The following HGS variants were observed in gnomAD, a reference collection of about 807,000 sequenced individuals.
HGS encodes the protein hepatocyte growth factor-regulated tyrosine kinase substrate, also known as human growth factor-regulated tyrosine kinase substrate.
HGS carries 63 observed loss-of-function variants against 109.7 expected under a neutral mutation model. That is an observed-to-expected ratio of 0.57 (90% CI 0.47 to 0.71). HGS has a LOEUF of 0.71. Ranked by LOEUF, HGS falls within the 30% of genes least tolerant of loss-of-function variation. HGS has a pLI of 0.00. For synonymous variants in HGS, 546 were observed against 437.3 expected, an observed-to-expected ratio of 1.25 and a Z score of -3.10; for missense variants, 995 against 1,068.3, an observed-to-expected ratio of 0.93 and a Z score of 0.96.
chr17:81,686,768 G>A (rs777095691), intron 3 of HGS, among the ~76,000 whole-genome samples: 10 of 152,002 alleles, frequency 6.6e-5, no homozygotes, highest in Non-Finnish European at 5.9e-5. Context: ...CTGTCCCACC[G>A]GGTTCCCCAC....
At position 81,700,470 on chromosome 17, in the gene HGS, C is replaced by T. The variant is rs965563704; in HGVS notation, c.1886C>T (p.Pro629Leu). Residue 629 changes from proline to leucine, a missense_variant, in exon 19 of 22, where the codon CCC (proline) becomes CTC (leucine). Transcript: ENST00000329138. Reference sequence around the variant, plus strand: ...TCCCCTGTCTTGTTTGTCACAGATCCCAGCATGGTGAGTGCCTACATGTAC... The same window carrying T: ...TCCCCTGTCTTGTTTGTCACAGATCTCAGCATGGTGAGTGCCTACATGTAC... ...YPSMPSTAAD[P>L]SMVSAYMYPA... 5 of 1,563,976 alleles carry T rather than the reference C, an allele frequency of 3.2e-6. No individual in the cohort carries two copies. The highest frequency in any genetic ancestry group is 4.3e-6 in the Non-Finnish European group (5 of 1,152,678).
chr17:81,686,087 C>T (rs1185638432), intron 2 of HGS, among the ~76,000 whole-genome samples: 2 of 152,086 alleles, frequency 1.3e-5, no homozygotes, highest in Non-Finnish European at 2.9e-5. Flanking sequence ...TTCACCATCA[C>T]GCCCGGCTGA....
rs1697259514 is a variant in HGS, at chr17:81,698,737, GTGTATGTGCGAATACATGCGTCTT to G, written c.1883-1724_1883-1701del. 3.3e-5 allele frequency among the ~76,000 whole-genome samples: 5 copies of G among 152,312 alleles called. No homozygotes were observed. The South Asian group carries it at 1.0e-3, about 32-fold the overall frequency. ...CAAGTGCACAGTTGTGGGTGCGTCT[GTGTATGTGCGAATACATGCGTCTT>G]TGTATATGATAAAAACCGTGAGTGC... is the stretch of plus-strand genomic sequence containing the variant. On this transcript the variant is annotated intron_variant, in intron 18 of 21. Transcript: ENST00000329138.
At position 81,701,619 on chromosome 17, in the gene HGS, C is replaced by T; in HGVS notation, c.*1C>T. 6.4e-7 allele frequency: 1 copy of T among 1,559,904 alleles called. No individual in the cohort carries two copies. The highest frequency in any genetic ancestry group is 8.6e-7 in the Non-Finnish European group (1 of 1,159,258). On this transcript the variant is annotated 3_prime_UTR_variant, in exon 22 of 22. Transcript: ENST00000329138. ...GGCCCAGCTCATTTCATTCGACTGA[C>T]CCAGGCCATGCTCACGTCCGGAGTA...
In HGS at chr17:81,700,490, A is replaced by G; in HGVS notation, c.1906A>G (p.Met636Val). The G allele has an allele frequency of 3.8e-6, 6 of 1,597,376 alleles. No homozygotes were observed. The highest frequency in any genetic ancestry group is 4.3e-6 in the Non-Finnish European group (5 of 1,171,602). Residue 636 changes from methionine (M) to valine (V), a missense_variant, in exon 19 of 22, where the codon ATG becomes GTG. Transcript: ENST00000329138. ...AADPSMVSAYMYPAGATGAQA... is the reference protein window; with the variant it reads ...AADPSMVSAYVYPAGATGAQA... Reference sequence around the variant, plus strand: ...AGATCCCAGCATGGTGAGTGCCTACATGTACCCAGCAGGGGCCACTGGGGC... The same window carrying G: ...AGATCCCAGCATGGTGAGTGCCTACGTGTACCCAGCAGGGGCCACTGGGGC...
At position 81,696,687 on chromosome 17, in the gene HGS, G is replaced by A; in HGVS notation, c.1647G>A (p.Gln549=). The stretch of plus-strand genomic sequence containing the variant: ...AGGAGCGGCAGATGCGGCTGGAGCA[G>A]CAGAAGCAGACGGTCCAGATGCGCG... ...QEKERQMRLE[Q]QKQTVQMRAQ... is the part of the protein sequence containing the mutation. Residue 549 remains glutamine (Q), a synonymous_variant, in exon 17 of 22, where the codon CAG becomes CAA. Coordinates refer to ENST00000329138, the MANE Select transcript of HGS (RefSeq NM_004712.5). 1 of 1,611,330 alleles carries A rather than the reference G, an allele frequency of 6.2e-7. No individual in the cohort carries two copies. The highest frequency in any genetic ancestry group is 1.1e-5 in the South Asian group (1 of 91,054).
intron 4 of HGS, among the ~76,000 whole-genome samples, chr17:81,688,067 G>A (rs1029240851): frequency 1.3e-5 from 2 of 152,222 alleles, no homozygotes; most frequent in South Asian, 2.1e-4. Flanking sequence ...GGATGCAGAG[G>A]GGTTCTGGAA....
At position 81,693,592 on chromosome 17, in the gene HGS, C is replaced by T. The variant is rs761827387; in HGVS notation, c.741+11C>T. ...TCTCAGCAGTCCCAGGTACTCAGCC[C>T]CCTCCGTCCCGTGGGCACCTCTTCC... On this transcript the variant is annotated intron_variant, in intron 9 of 21. Coordinates refer to ENST00000329138, the MANE Select transcript of HGS (RefSeq NM_004712.5). 40 of 1,578,866 alleles carry T rather than the reference C, an allele frequency of 2.5e-5. No individual in the cohort carries two copies. In the Admixed American group the frequency reaches 5.7e-4, roughly 22 times the overall value.
chr17:81,700,944 G>A lies in HGS; in HGVS notation c.2137-101G>A. Reference sequence around the variant, plus strand: ...TCTGCTCCTCCCCCTCCACTCTCTGGGTGCTCCCTGTGGTCACCTTTGGAT... The same window carrying A: ...TCTGCTCCTCCCCCTCCACTCTCTGAGTGCTCCCTGTGGTCACCTTTGGAT... On this transcript the variant is annotated intron_variant, in intron 20 of 21. Transcript: ENST00000329138. 3.3e-6 allele frequency: 5 copies of A among 1,524,096 alleles called. No homozygotes were observed. In the South Asian group the frequency reaches 3.4e-5, roughly 10 times the overall value. The allele number at this position is 1,524,096 out of a possible 1,614,324, so 94.4% of individuals were successfully genotyped here.
In HGS at chr17:81,696,347, C is replaced by G; in HGVS notation, c.1394-10C>G. 1 of 1,560,208 alleles carries G rather than the reference C, an allele frequency of 6.4e-7. No individual in the cohort carries two copies. Among genetic ancestry groups the G allele is most frequent in the African/African-American group, 1.4e-5 (1 of 73,624 alleles). On this transcript the variant is annotated splice_polypyrimidine_tract_variant and intron_variant, in intron 15 of 21. Transcript: ENST00000329138. ...GGAGTGGTCAGGGTTGCTCTGTCAT[C>G]TGCCCACAGTGTACTATGAGGGGCT...
chr17:81,695,916 C>T lies in HGS; in HGVS notation c.1310C>T (p.Ser437Leu). 1.2e-6 allele frequency: 2 copies of T among 1,605,954 alleles called. No individual in the cohort carries two copies. The highest frequency in any genetic ancestry group is 8.5e-7 in the Non-Finnish European group (1 of 1,174,994). The stretch of plus-strand genomic sequence containing the variant: ...CGGGGCCGCAGCATCACCAATGACT[C>T]GGCCGTGCTCTCACTCTTCCAGTCC... ...HMRGRSITNDSAVLSLFQSIN... is the reference protein window; with the variant it reads ...HMRGRSITNDLAVLSLFQSIN... Residue 437 changes from serine to leucine, a missense_variant, in exon 15 of 22, where the codon TCG (serine) becomes TTG (leucine). This residue lies in a region of HGS where 163 missense variants were observed against 217.8 expected (regional missense o/e 0.75). Coordinates refer to ENST00000329138, the MANE Select transcript of HGS (RefSeq NM_004712.5).
chr17:81,699,630 TAGAC>T (rs1414275974), intron 18 of HGS, among the ~76,000 whole-genome samples: 11 of 152,238 alleles, frequency 7.2e-5, no homozygotes, highest in African/African-American at 2.2e-4. Context: ...TTTACTATGT[TAGAC>T]AGCCTGGTCT....
chr17:81,688,244 C>T (rs149465483), intron 4 of HGS, among the ~76,000 whole-genome samples: 8 of 152,270 alleles, frequency 5.3e-5, no homozygotes, highest in African/African-American at 1.2e-4. Context: ...GTCTGGAGCC[C>T]GCTCTGAATT....
intron 2 of HGS, 41 bp downstream of exon 2, chr17:81,685,730 C>T (rs766887715): frequency 2.5e-5 from 39 of 1,533,408 alleles, no homozygotes; most frequent in Middle Eastern, 1.7e-4. Context: ...GAGGAGCAGC[C>T]GTGCACTAAG....
chr17:81,696,350 C>G lies in HGS; in HGVS notation c.1394-7C>G. 6.4e-7 allele frequency: 1 copy of G among 1,566,662 alleles called. No homozygotes were observed. The highest frequency in any genetic ancestry group is 8.6e-7 in the Non-Finnish European group (1 of 1,160,200). ...GTGGTCAGGGTTGCTCTGTCATCTG[C>G]CCACAGTGTACTATGAGGGGCTGCA... On this transcript the variant is annotated splice_region_variant and splice_polypyrimidine_tract_variant and intron_variant, in intron 15 of 21. Transcript: ENST00000329138.
rs1228624026 is a variant in HGS, at chr17:81,693,908, G to A, written c.879G>A (p.Glu293=). 1.9e-6 allele frequency: 3 copies of A among 1,611,546 alleles called. No individual in the cohort carries two copies. The African/African-American group carries it at 4.0e-5, about 22-fold the overall frequency. ...KSTYTSYPKA[E]PMPSASSAPP... ...CGTACACTTCGTACCCCAAGGCGGA[G>A]CCCATGCCCTCGGCCTCCTCAGCGC... The change falls in exon 11 of 22, where the codon GAG becomes GAA. Residue 293 remains glutamate (E), a synonymous_variant. Coordinates refer to ENST00000329138, the MANE Select transcript of HGS (RefSeq NM_004712.5).
intron 18 of HGS, 106 bp downstream of exon 18, chr17:81,697,104 C>T: frequency 8.2e-7 from 1 of 1,226,376 alleles, no homozygotes. Context: ...TCCCAGTTGC[C>T]CCGATGTGAA....
intron 15 of HGS, 147 bp downstream of exon 15, chr17:81,696,146 TG>T: frequency 4.4e-6 from 4 of 905,998 alleles, no homozygotes; most frequent in Non-Finnish European, 4.9e-6. Context: ...CAACAGGAGG[TG>T]GTCTCAGTGA....
At chr17:81,700,909 C>A in intron 20 of HGS, 95 bp downstream of exon 20, 1 of 1,520,788 alleles carries the variant, frequency 6.6e-7, no homozygotes, top group Non-Finnish European at 9.1e-7. Flanking sequence ...ACTGGGTGGG[C>A]TCCACCCCTT....
Sources: gnomAD v4.1 joint callset for allele counts (sites outside exome capture counted in the v4.1 genomes callset) on GRCh38, gnomAD v4.1.1 for gene constraint, gnomAD v4.1.1 regional missense constraint, MANE v1.5 for transcripts, NCBI Gene and HGNC (gene_info 2026-07-23, HGNC 2026-07-21) for gene names.